Variants in EIF4G1 observed in about 807,000 individuals in gnomAD.
EIF4G1 encodes EIF4-gamma.
A neutral mutation model predicts 187.8 loss-of-function variants in EIF4G1; 4 were observed. The ratio of observed to expected loss-of-function variants is 0.02; its 90% CI spans 0.01 to 0.05. EIF4G1 has a LOEUF of 0.05. Ranked by LOEUF, EIF4G1 falls within the 10% of genes least tolerant of loss-of-function variation. The pLI is 1.00. For missense variants in EIF4G1, 1,647 were observed against 2,081.1 expected, an observed-to-expected ratio of 0.79 and a Z score of 4.06; for synonymous variants, 844 against 781.4, an observed-to-expected ratio of 1.08 and a Z score of -1.34.
intron 2 of EIF4G1, 93 bp from the exon 3 acceptor site, chr3:184,315,670 A>G: frequency 1.1e-6 from 1 of 939,958 alleles, no homozygotes; most frequent in Non-Finnish European, 1.7e-6. Context: ...GGGACTCCGT[A>G]TGGGACCCAG....
At chr3:184,314,732 C>T in intron 1 of EIF4G1, 58 bp downstream of exon 1, 1 of 148,730 alleles carries the variant, frequency 6.7e-6, no homozygotes, top group South Asian at 2.1e-4. Context: ...CCCGCATCCG[C>T]CGCCATCCGG....
chr3:184,327,743 G>A, intron 25 of EIF4G1, 39 bp downstream of exon 25: 2 of 1,613,412 alleles, frequency 1.2e-6, no homozygotes, highest in Non-Finnish European at 1.7e-6. Flanking sequence ...GGAGTGGGCA[G>A]GGAGGGATCA....
chr3:184,332,629 G>A (rs1726334303), intron 32 of EIF4G1, among the ~76,000 whole-genome samples: 2 of 152,130 alleles, frequency 1.3e-5, no homozygotes, highest in African/African-American at 2.4e-5. Context: ...CTGGGAAGAC[G>A]GGTGCTCTCG....
In EIF4G1 at chr3:184,319,748, C is replaced by T; in HGVS notation, c.484C>T (p.Pro162Ser). Reference sequence around the variant, plus strand: ...GTTTCCCACTGGCGTGGCCCCCACCCCAGTTTTGATGAACCAGCCACCCCA... The same window carrying T: ...GTTTCCCACTGGCGTGGCCCCCACCTCAGTTTTGATGAACCAGCCACCCCA... ...QQFPTGVAPT[P>S]VLMNQPPQIA... Residue 162 changes from proline to serine, a missense_variant, in exon 7 of 33, where the codon CCA becomes TCA. Coordinates refer to ENST00000346169, the MANE Select transcript of EIF4G1 (RefSeq NM_198241.3). 1.9e-6 allele frequency: 3 copies of T among 1,608,638 alleles called. No individual in the cohort carries two copies. The highest frequency in any genetic ancestry group is 2.5e-6 in the Non-Finnish European group (3 of 1,177,782).
At chr3:184,320,147 A>C in intron 7 of EIF4G1, 1 of 408,898 alleles carries the variant, frequency 2.4e-6, no homozygotes, top group Middle Eastern at 7.8e-4. Context: ...CCAGTCCTGG[A>C]AGCTCTCAAG....
At chr3:184,332,209 C>T in intron 32 of EIF4G1, 123 bp downstream of exon 32, 2 of 1,294,070 alleles carry the variant, frequency 1.5e-6, no homozygotes, top group Admixed American at 4.2e-5. Flanking sequence ...GCAAAATGCC[C>T]TCTGGGTTTC....
chr3:184,333,879 A>G (rs1474594121), intron 32 of EIF4G1, among the ~76,000 whole-genome samples: 4 of 151,986 alleles, frequency 2.6e-5, no homozygotes, highest in Non-Finnish European at 5.9e-5. Context: ...TGGGATTTGG[A>G]GTGTAGGTAC....
rs776540200 is a variant in EIF4G1, at chr3:184,331,791, T to G, written c.4459T>G (p.Cys1487Gly). 2 of 1,614,040 alleles carry G rather than the reference T, an allele frequency of 1.2e-6. No homozygotes were observed. The highest frequency in any genetic ancestry group is 1.7e-6 in the Non-Finnish European group (2 of 1,180,034). ...TLVRALMTAV[C>G]YSAIIFETPL... ...AGTTCGAGCCCTCATGACGGCTGTC[T>G]GCTATTCTGCAATTATTTGTAAGAG... The change falls in exon 31 of 33, where the codon TGC (cysteine) becomes GGC (glycine). Residue 1487 changes from cysteine (C) to glycine (G), a missense_variant. Around this residue, in one of 11 missense-constraint regions of EIF4G1, gnomAD observed 543 missense variants for 638.0 expected, o/e 0.85. Transcript: ENST00000346169.
chr3:184,330,713 T>C (rs185340241), intron 28 of EIF4G1, among the ~76,000 whole-genome samples: 153 of 152,270 alleles, frequency 1.0e-3, no homozygotes, highest in African/African-American at 3.5e-3. Flanking sequence ...CATAGCACTT[T>C]GGTGGACAAG....
intron 22 of EIF4G1, 118 bp downstream of exon 22, chr3:184,326,747 AG>A: frequency 6.8e-7 from 1 of 1,479,090 alleles, no homozygotes. Flanking sequence ...GCAATAGAGG[AG>A]GTTTGTGTTG....
intron 28 of EIF4G1, among the ~76,000 whole-genome samples, chr3:184,330,726 CTCTTT>C (rs1427364707): frequency 1.3e-4 from 19 of 151,836 alleles, no homozygotes; most frequent in Non-Finnish European, 2.4e-4. Context: ...TGGACAAGTT[CTCTTT>C]TATTTTATTT....
chr3:184,321,539 C>T lies in EIF4G1; in HGVS notation c.955C>T (p.Pro319Ser). Reference protein sequence around the residue: ...EPYRLSPEPTPLAEPILEVEV... With the variant: ...EPYRLSPEPTSLAEPILEVEV... The stretch of plus-strand genomic sequence containing the variant: ...ATATCGCCTCTCTCCAGAACCCACT[C>T]CTCTCGCCGAACCCATACTGGAAGT... Residue 319 changes from proline to serine, a missense_variant, in exon 10 of 33, where the codon CCT becomes TCT. Physicochemically the swap from Pro to Ser is moderately conservative, Grantham distance 74 (BLOSUM62 -1). This residue lies in a region of EIF4G1 where 522 missense variants were observed against 485.2 expected (regional missense o/e 1.08). Transcript: ENST00000346169. The T allele has an allele frequency of 6.2e-7, 1 of 1,614,196 alleles. No homozygotes were observed. Among genetic ancestry groups the T allele is most frequent in the Non-Finnish European group, 8.5e-7 (1 of 1,180,034 alleles).
At position 184,325,995 on chromosome 3, in the gene EIF4G1, T is replaced by C. The variant is rs376984167; in HGVS notation, c.3222+44T>C. 6.3e-7 allele frequency: 1 copy of C among 1,586,516 alleles called. No homozygotes were observed. The highest frequency in any genetic ancestry group is 8.7e-7 in the Non-Finnish European group (1 of 1,155,122). On this transcript the variant is annotated intron_variant, in intron 21 of 32. Coordinates refer to ENST00000346169, the MANE Select transcript of EIF4G1 (RefSeq NM_198241.3). This position sits in a 1 kb window ranked among gnomAD's most constrained non-coding sequence, Gnocchi z 5.2. ...GTGGGTGATTCAGCTCAGGTTTAGA[T>C]CTTAGTCCCTTCACTTTTCTAAAGT...
intron 4 of EIF4G1, 57 bp from the exon 5 acceptor site, chr3:184,317,264 A>G (rs560273522): frequency 9.4e-6 from 15 of 1,602,502 alleles, no homozygotes; most frequent in South Asian, 6.6e-5. Context: ...TGGAGTGGCA[A>G]TTTTTTGTCC....
chr3:184,316,746 T>TC, intron 4 of EIF4G1: 1 of 1,596,170 alleles, frequency 6.3e-7, no homozygotes, highest in Non-Finnish European at 8.5e-7. Flanking sequence ...AATATCCCTT[T>TC]CCCAACCCTG....
chr3:184,330,888 C>T (rs1028842271), intron 28 of EIF4G1, among the ~76,000 whole-genome samples: 4 of 152,038 alleles, frequency 2.6e-5, no homozygotes, highest in Non-Finnish European at 5.9e-5. Flanking sequence ...TACAGGCACC[C>T]ACCACCACGC....
intron 6 of EIF4G1, among the ~76,000 whole-genome samples, chr3:184,318,220 C>G (rs79447291): frequency 0.023 from 3,433 of 152,194 alleles, 121 homozygotes; most frequent in African/African-American, 0.077. Flanking sequence ...TTTTGATCAC[C>G]TATCAGGAAA....
chr3:184,332,548 C>T (rs1338021291), intron 32 of EIF4G1, among the ~76,000 whole-genome samples: 1 of 152,074 alleles, frequency 6.6e-6, no homozygotes, highest in African/African-American at 2.4e-5. Context: ...AGGGCATTGG[C>T]ATGCTCACAG....
rs1295595428 is a variant in EIF4G1 at position 184,323,295 on chromosome 3, C to T, written c.2088+54C>T. On this transcript the variant is annotated intron_variant, in intron 14 of 32. Transcript: ENST00000346169. This position sits in a 1 kb window ranked among gnomAD's most constrained non-coding sequence, Gnocchi z 6.9. ...GGGCAAGGAGTGGGAGTGGATGATTCCGTGTCTCAGTGCCCGCGGGGAGGG... is the reference window on the plus strand; with the variant it reads ...GGGCAAGGAGTGGGAGTGGATGATTTCGTGTCTCAGTGCCCGCGGGGAGGG... The T allele has an allele frequency of 6.8e-6, 11 of 1,612,376 alleles. No homozygotes were observed. The highest frequency in any genetic ancestry group is 9.3e-6 in the Non-Finnish European group (11 of 1,178,780).
Sources: gnomAD v4.1 joint callset for allele counts (sites outside exome capture counted in the v4.1 genomes callset) on GRCh38, gnomAD v4.1.1 for gene constraint, gnomAD v4.1.1 regional missense constraint, Gnocchi (gnomAD v3.1) non-coding constraint, MANE v1.5 for transcripts, NCBI Gene and HGNC (gene_info 2026-07-23, HGNC 2026-07-21) for gene names.